The following RHOJ variants were observed in gnomAD, a reference collection of about 807,000 sequenced individuals.
RHOJ encodes rho-related GTP-binding protein RhoJ.
RHOJ carries 11 observed loss-of-function variants against 23.4 expected under a neutral mutation model. The observed-to-expected ratio is 0.47, with a 90% CI of 0.30 to 0.78. The LOEUF is 0.78. Among genes scored for constraint, RHOJ ranks in the 30% least tolerant of loss-of-function variants. The pLI is 0.08. For synonymous variants in RHOJ, 102 were observed against 102.7 expected, an observed-to-expected ratio of 0.99 and a Z score of 0.04; for missense variants, 254 against 273.4, an observed-to-expected ratio of 0.93 and a Z score of 0.50.
Position 63,244,686 on chromosome 14 carries a change from A to G in RHOJ, c.179-24424A>G, listed in dbSNP as rs537615229. Among the ~76,000 whole-genome samples the G allele has an allele frequency of 6.6e-5, 10 of 152,380 alleles. No individual in the cohort carries two copies. The East Asian group carries it at 1.9e-3, about 29-fold the overall frequency. ...AAATCTCAAGCATTACATTAGTGAT[A>G]TTTAGACACATTATCTCTAATCCTT... On this transcript the variant is annotated intron_variant, in intron 1 of 4. Transcript: ENST00000316754.
intron 1 of RHOJ, among the ~76,000 whole-genome samples, chr14:63,255,874 T>C (rs1895155556): frequency 6.6e-6 from 1 of 151,858 alleles, no homozygotes; most frequent in Admixed American, 6.5e-5. Flanking sequence ...TTTACCTTTT[T>C]TAAGAGACAG....
intron 1 of RHOJ, among the ~76,000 whole-genome samples, chr14:63,210,759 A>G (rs1474993310): frequency 2.6e-5 from 4 of 152,224 alleles, no homozygotes; most frequent in Non-Finnish European, 5.9e-5. Flanking sequence ...TTTAGATTGT[A>G]TGTTGAGTTA....
At chr14:63,219,538 C>T (rs550530172) in intron 1 of RHOJ, among the ~76,000 whole-genome samples, 2 of 152,198 alleles carry the variant, frequency 1.3e-5, no homozygotes, top group South Asian at 4.1e-4. Flanking sequence ...TCTTTTCTGG[C>T]CGGGCGTGGT....
chr14:63,285,882 T>C (rs1049749621), intron 4 of RHOJ, among the ~76,000 whole-genome samples: 8 of 152,238 alleles, frequency 5.3e-5, no homozygotes, highest in Admixed American at 1.3e-4. Context: ...AAACATGATC[T>C]TCTAAGTTCA....
chr14:63,235,829 T>G (rs1388473725), intron 1 of RHOJ, among the ~76,000 whole-genome samples: 1 of 152,240 alleles, frequency 6.6e-6, no homozygotes, highest in Non-Finnish European at 1.5e-5. Flanking sequence ...AAATTGAATT[T>G]GCTAATCTTA....
intron 1 of RHOJ, among the ~76,000 whole-genome samples, chr14:63,248,337 A>G (rs1463218652): frequency 6.6e-6 from 1 of 152,178 alleles, no homozygotes; most frequent in Non-Finnish European, 1.5e-5. Context: ...CAAGTTTTGG[A>G]ACTCCTTGAC....
chr14:63,261,756 AAT>A (rs1895277273), intron 1 of RHOJ, among the ~76,000 whole-genome samples: 1 of 152,082 alleles, frequency 6.6e-6, no homozygotes, highest in Non-Finnish European at 1.5e-5. Flanking sequence ...TTGCTTTTTA[AAT>A]ATTATAAATG....
At chr14:63,246,798 C>G (rs188539408) in intron 1 of RHOJ, among the ~76,000 whole-genome samples, 1 of 152,082 alleles carries the variant, frequency 6.6e-6, no homozygotes, top group African/African-American at 2.4e-5. Flanking sequence ...TGTGAGCCAG[C>G]CTAGGAATCT....
intron 1 of RHOJ, among the ~76,000 whole-genome samples, chr14:63,210,996 T>G (rs1422565028): frequency 2.0e-5 from 3 of 152,188 alleles, no homozygotes; most frequent in Non-Finnish European, 4.4e-5. Context: ...ATGCAGGAAA[T>G]TAACACAATT....
chr14:63,258,871 T>C (rs1046431388), intron 1 of RHOJ, among the ~76,000 whole-genome samples: 1 of 152,228 alleles, frequency 6.6e-6, no homozygotes, highest in Non-Finnish European at 1.5e-5. Context: ...ACTGTGTGTT[T>C]CCTTGTATGT....
chr14:63,225,198 G>A (rs955723808), intron 1 of RHOJ, among the ~76,000 whole-genome samples: 1 of 151,994 alleles, frequency 6.6e-6, no homozygotes, highest in Non-Finnish European at 1.5e-5. Context: ...TGATCTGTCC[G>A]CCTCGGCCTC....
At chr14:63,228,985 T>C (rs1894643764) in intron 1 of RHOJ, among the ~76,000 whole-genome samples, 1 of 152,190 alleles carries the variant, frequency 6.6e-6, no homozygotes, top group South Asian at 2.1e-4. Flanking sequence ...CCTATCACAC[T>C]GTATTATAAT....
At chr14:63,212,612 C>T (rs1451605202) in intron 1 of RHOJ, among the ~76,000 whole-genome samples, 1 of 152,114 alleles carries the variant, frequency 6.6e-6, no homozygotes, top group Non-Finnish European at 1.5e-5. Context: ...TTCAAACTCC[C>T]TTTCAGAAAG....
At chr14:63,236,562 G>A (rs1341671157) in intron 1 of RHOJ, among the ~76,000 whole-genome samples, 1 of 152,078 alleles carries the variant, frequency 6.6e-6, no homozygotes, top group Non-Finnish European at 1.5e-5. Flanking sequence ...AACGGCACGG[G>A]AAAAACCTGC....
At chr14:63,288,178 T>A in intron 4 of RHOJ, 5 of 985,454 alleles carry the variant, frequency 5.1e-6, no homozygotes, top group Non-Finnish European at 6.0e-6. Flanking sequence ...TGCTATTTCA[T>A]TATCTTCAGA....
At chr14:63,260,964 C>T (rs896950918) in intron 1 of RHOJ, among the ~76,000 whole-genome samples, 17 of 152,148 alleles carry the variant, frequency 1.1e-4, no homozygotes, top group African/African-American at 2.9e-4. Flanking sequence ...ATAAGACTGC[C>T]GAGTCAAATG....
At chr14:63,263,668 C>T (rs1196620909) in intron 1 of RHOJ, among the ~76,000 whole-genome samples, 1 of 152,208 alleles carries the variant, frequency 6.6e-6, no homozygotes, top group Non-Finnish European at 1.5e-5. Flanking sequence ...ACATGGCTTC[C>T]ACACCCATAA....
chr14:63,252,243 C>T (rs1377479479), intron 1 of RHOJ, among the ~76,000 whole-genome samples: 1 of 152,162 alleles, frequency 6.6e-6, no homozygotes, highest in Non-Finnish European at 1.5e-5. Flanking sequence ...CACAGCACCT[C>T]AACCTCTGCT....
intron 1 of RHOJ, among the ~76,000 whole-genome samples, chr14:63,242,474 A>C (rs1894900291): frequency 6.6e-6 from 1 of 152,070 alleles, no homozygotes; most frequent in Admixed American, 6.5e-5. Context: ...GGTGTTGAGG[A>C]GGGAGGATCA....
Sources: allele counts gnomAD v4.1 joint callset (sites outside exome capture counted in the v4.1 genomes callset), GRCh38; gene constraint gnomAD v4.1.1; transcripts MANE v1.5; gene names NCBI Gene and HGNC (gene_info 2026-07-23, HGNC 2026-07-21).